The following CYP26C1 variants were observed in gnomAD, a reference collection of about 807,000 sequenced individuals.
The protein encoded by CYP26C1 is cytochrome P450 family 26 subfamily C member 1, also known as cytochrome P450 26C1.
In CYP26C1, 41 loss-of-function variants were observed where a neutral mutation model predicts 39.1. The ratio of observed to expected loss-of-function variants is 1.05; its 90% CI spans 0.82 to 1.36. The LOEUF is 1.36. Among genes scored for constraint, CYP26C1 ranks in the 40% most tolerant of loss-of-function variants. CYP26C1 has a pLI of 0.00. For missense variants in CYP26C1, 833 were observed against 752.0 expected (o/e 1.11, Z -1.26); for synonymous variants, 362 against 350.8 (o/e 1.03, Z -0.36).
chr10:93,064,426 A>G lies in CYP26C1; in HGVS notation c.751A>G (p.Ile251Val). The stretch of plus-strand genomic sequence containing the variant: ...GCTGCATCGGCACCTGGAGGGGGCC[A>G]TTTCTGAGAAGCTTCACGAGGACAA... ...DQLHRHLEGAISEKLHEDKAA... is the reference protein window; with the variant it reads ...DQLHRHLEGAVSEKLHEDKAA... Residue 251 changes from isoleucine (I) to valine (V), a missense_variant, in exon 4 of 6, where the codon ATT (isoleucine) becomes GTT (valine). Transcript: ENST00000651965. 2 of 1,614,108 alleles carry G rather than the reference A, an allele frequency of 1.2e-6. No homozygotes were observed. The highest frequency in any genetic ancestry group is 1.7e-6 in the Non-Finnish European group (2 of 1,180,026).
Position 93,068,661 on chromosome 10 carries a change from C to T in CYP26C1, c.1533C>T (p.Leu511=). 1.3e-6 allele frequency: 2 copies of T among 1,584,322 alleles called. No individual in the cohort carries two copies. Among genetic ancestry groups the T allele is most frequent in the Non-Finnish European group, 1.7e-6 (2 of 1,162,894 alleles). The change falls in exon 6 of 6, where the codon CTC becomes CTT. Residue 511 remains leucine (L), a synonymous_variant. Transcript: ENST00000651965. ...GGCTGCGGCTCTTTTTCCACCCCCT[C>T]ACGCCTTCGGTTGCGGGGAATGGGC... ...VDGLRLFFHP[L]TPSVAGNGLC... is the part of the protein sequence containing the mutation.
At position 93,069,026 on chromosome 10, in the gene CYP26C1, A is replaced by T. The variant is rs1846864892; in HGVS notation, c.*329A>T. 3.7e-6 allele frequency: 1 copy of T among 268,160 alleles called. No individual in the cohort carries two copies. The allele number at this position is 268,160 out of a possible 1,614,324, so 16.6% of individuals were successfully genotyped here. A position where few individuals can be genotyped will look rare whatever the true frequency, so the allele number is the denominator to read the frequency against. On this transcript the variant is annotated 3_prime_UTR_variant, in exon 6 of 6. Coordinates refer to ENST00000651965, the MANE Select transcript of CYP26C1 (RefSeq NM_183374.3). ...CTGCTTGGCTTCCCCTTCCCGAGCC[A>T]ATCCAGGGAGGGTGCATGGATGGGG...
intron 2 of CYP26C1, 52 bp downstream of exon 2, chr10:93,062,286 C>A: frequency 6.8e-7 from 1 of 1,476,092 alleles, no homozygotes; most frequent in South Asian, 1.3e-5. Context: ...CGGTCCCCGG[C>A]ATCTGCCATG....
chr10:93,063,812 C>T (rs1590136200), intron 3 of CYP26C1: 3 of 985,630 alleles, frequency 3.0e-6, no homozygotes, highest in East Asian at 1.1e-4. Context: ...TTAACCTCAT[C>T]TCCTCCGACT....
chr10:93,061,183 C>G lies in CYP26C1; in HGVS notation c.-81C>G, dbSNP rs1311423443. 11 of 1,430,992 alleles carry G rather than the reference C, an allele frequency of 7.7e-6. No homozygotes were observed. The Admixed American group carries it at 8.2e-5, about 11-fold the overall frequency. 88.6% of individuals were successfully genotyped at this position (1,430,992 alleles called of 1,614,324 possible). On this transcript the variant is annotated 5_prime_UTR_variant, in exon 1 of 6. Transcript: ENST00000651965. ...GCCTTTTGCGGACGGAACAGGTGAG[C>G]ACTGCGCACTGCTCGCGCCCCGGTT...
At chr10:93,066,363 C>T (rs1481491035) in intron 5 of CYP26C1, 78 bp downstream of exon 5, 1 of 1,212,712 alleles carries the variant, frequency 8.2e-7, no homozygotes, top group African/African-American at 1.6e-5. Flanking sequence ...CCTGCCGCGG[C>T]GGCGCCCAGG....
intron 5 of CYP26C1, among the ~76,000 whole-genome samples, chr10:93,067,196 A>AG (rs1484695390): frequency 6.6e-6 from 1 of 152,232 alleles, no homozygotes; most frequent in Non-Finnish European, 1.5e-5. Context: ...TTGGAGAGGA[A>AG]GGGGGCCGGG....
Position 93,066,158 on chromosome 10 carries a change from A to G in CYP26C1, c.1064A>G (p.Glu355Gly). The stretch of plus-strand genomic sequence containing the variant: ...GGGCCCCCGCCCGACTGCGGCTGCG[A>G]GCCCGACCTCAGCCTCGCGGCGCTG... Reference protein sequence around the residue: ...SEGPPPDCGCEPDLSLAALGR... With the variant: ...SEGPPPDCGCGPDLSLAALGR... Residue 355 changes from glutamate to glycine, a missense_variant, in exon 5 of 6, where the codon GAG becomes GGG. Coordinates refer to ENST00000651965, the MANE Select transcript of CYP26C1 (RefSeq NM_183374.3). 1 of 1,412,920 alleles carries G rather than the reference A, an allele frequency of 7.1e-7. No individual in the cohort carries two copies. The highest frequency in any genetic ancestry group is 9.2e-7 in the Non-Finnish European group (1 of 1,082,998). 87.5% of individuals were successfully genotyped at this position (1,412,920 alleles called of 1,614,324 possible).
rs751247402 is a variant in CYP26C1 at position 93,068,321 on chromosome 10, G to T, written c.1193G>T (p.Gly398Val). The T allele has an allele frequency of 1.3e-6, 2 of 1,513,860 alleles. No homozygotes were observed. Among genetic ancestry groups the T allele is most frequent in the East Asian group, 2.3e-5 (1 of 43,100 alleles). 93.8% of individuals were successfully genotyped at this position (1,513,860 alleles called of 1,614,324 possible). The change falls in exon 6 of 6, where the codon GGC (glycine) becomes GTC (valine). Residue 398 changes from glycine (G) to valine (V), a missense_variant and splice_region_variant. Transcript: ENST00000651965. The part of the protein sequence containing the change: ...RTALRTFELD[G>V]YQIPKGWSVM... The stretch of plus-strand genomic sequence containing the variant: ...GCTGATCTCCTCGCCTCTCTGCAGG[G>T]CTACCAGATCCCCAAGGGCTGGAGC...
chr10:93,062,221 G>A lies in CYP26C1; in HGVS notation c.416G>A (p.Arg139Gln). The change falls in exon 2 of 6, where the codon CGG (arginine) becomes CAG (glutamine). Residue 139 changes from arginine to glutamine, a missense_variant. Physicochemically the swap from Arg to Gln is conservative, Grantham distance 43 (BLOSUM62 1). Coordinates refer to ENST00000651965, the MANE Select transcript of CYP26C1 (RefSeq NM_183374.3). ...TLLGAVGEPH[R>Q]RRRKVLARVF... ...CTAGGTGCGGTCGGCGAGCCGCACC[G>A]GCGGCGGCGCAAGGTGAGTGGAAAC... 6.6e-7 allele frequency: 1 copy of A among 1,522,756 alleles called. No homozygotes were observed. The highest frequency in any genetic ancestry group is 8.8e-7 in the Non-Finnish European group (1 of 1,138,798). The allele number at this position is 1,522,756 out of a possible 1,614,324, so 94.3% of individuals were successfully genotyped here.
rs1234535239 is a variant in CYP26C1 at position 93,062,963 on chromosome 10, C to A, written c.673C>A (p.Pro225Thr). ...GCTCGTGGAGAACCTCTTCTCACTG[C>A]CTCTGGACGTTCCCTTCAGTGGCCT... Reference protein sequence around the residue: ...EQLVENLFSLPLDVPFSGLRK... With the variant: ...EQLVENLFSLTLDVPFSGLRK... The change falls in exon 3 of 6, where the codon CCT becomes ACT. Residue 225 changes from proline to threonine, a missense_variant. Physicochemically the swap from Pro to Thr is conservative, Grantham distance 38. Coordinates refer to ENST00000651965, the MANE Select transcript of CYP26C1 (RefSeq NM_183374.3). 6.3e-6 allele frequency: 10 copies of A among 1,598,228 alleles called. No individual in the cohort carries two copies. The highest frequency in any genetic ancestry group is 8.5e-6 in the Non-Finnish European group (10 of 1,175,554).
intron 5 of CYP26C1, 71 bp from the exon 6 acceptor site, chr10:93,068,249 G>C: frequency 6.9e-7 from 1 of 1,447,292 alleles, no homozygotes; most frequent in Non-Finnish European, 9.1e-7. Flanking sequence ...GCACCAGGGT[G>C]GAGGGTCAGT....
chr10:93,065,885 G>A (rs1846817868), intron 4 of CYP26C1, 71 bp from the exon 5 acceptor site: 1 of 1,388,800 alleles, frequency 7.2e-7, no homozygotes, highest in Non-Finnish European at 9.4e-7. Flanking sequence ...TCATCTCCAC[G>A]GGGCCGTCGG....
rs1391300434 is a variant in CYP26C1 at position 93,068,800 on chromosome 10, C to T, written c.*103C>T. The T allele has an allele frequency of 7.1e-7, 1 of 1,410,820 alleles. No individual in the cohort carries two copies. Among genetic ancestry groups the T allele is most frequent in the Non-Finnish European group, 9.3e-7 (1 of 1,079,140 alleles). The allele number at this position is 1,410,820 out of a possible 1,614,324, so 87.4% of individuals were successfully genotyped here. A position where few individuals can be genotyped will look rare whatever the true frequency, so the allele number is the denominator to read the frequency against. ...GTAGCGTCGCGCGCCCACTCTTTCA[C>T]TCGTTCAACAATCTTTCAACAAATG... On this transcript the variant is annotated 3_prime_UTR_variant, in exon 6 of 6. Transcript: ENST00000651965.
Position 93,061,457 on chromosome 10 carries a change from G to C in CYP26C1, c.194G>C (p.Trp65Ser). 6.4e-7 allele frequency: 1 copy of C among 1,550,706 alleles called. No individual in the cohort carries two copies. Among genetic ancestry groups the C allele is most frequent in the Non-Finnish European group, 8.7e-7 (1 of 1,147,680 alleles). ...CCCTTCTTCGGCGAAACGCTGCACT[G>C]GTTAGTTCAGGTGAGCAGTCCTTCG... Reference protein sequence around the residue: ...GWPFFGETLHWLVQGSRFHSS... With the variant: ...GWPFFGETLHSLVQGSRFHSS... The change falls in exon 1 of 6, where the codon TGG (tryptophan) becomes TCG (serine). Residue 65 changes from tryptophan to serine, a missense_variant. By Grantham distance (177) the Trp-to-Ser change is radical (BLOSUM62 -3). Transcript: ENST00000651965.
chr10:93,063,619 G>GT, intron 3 of CYP26C1: 1 of 985,508 alleles, frequency 1.0e-6, no homozygotes, highest in Non-Finnish European at 1.2e-6. Context: ...TGATTCCCTG[G>GT]TTTTCAGTCA....
intron 1 of CYP26C1, among the ~76,000 whole-genome samples, 159 bp downstream of exon 1, chr10:93,061,626 CTCCGT>C (rs142915701): frequency 6.6e-6 from 1 of 151,928 alleles, no homozygotes; most frequent in African/African-American, 2.4e-5. Flanking sequence ...TACCTAGATA[CTCCGT>C]TCCCTCGAAG....
intron 3 of CYP26C1, chr10:93,063,507 C>T: frequency 1.0e-6 from 1 of 986,372 alleles, no homozygotes; most frequent in African/African-American, 1.7e-5. Flanking sequence ...GATCAGAGAA[C>T]TGCTGCTTCT....
At position 93,066,231 on chromosome 10, in the gene CYP26C1, C is replaced by T. The variant is rs773356370; in HGVS notation, c.1137C>T (p.Leu379=). Residue 379 remains leucine (L), a synonymous_variant, in exon 5 of 6, where the codon CTC becomes CTT. Coordinates refer to ENST00000651965, the MANE Select transcript of CYP26C1 (RefSeq NM_183374.3). ...GCGTGGTCAAGGAGGTGCTGCGCCT[C>T]CTGCCGCCAGTGTCCGGGGGCTACC... ...VDCVVKEVLR[L]LPPVSGGYRT... 20 of 1,473,896 alleles carry T rather than the reference C, an allele frequency of 1.4e-5. No homozygotes were observed. The highest frequency in any genetic ancestry group is 2.9e-5 in the African/African-American group (2 of 69,146). 91.3% of individuals were successfully genotyped at this position (1,473,896 alleles called of 1,614,324 possible). A position where few individuals can be genotyped will look rare whatever the true frequency, so the allele number is the denominator to read the frequency against.
Sources: gnomAD v4.1 joint callset for allele counts (sites outside exome capture counted in the v4.1 genomes callset) on GRCh38, gnomAD v4.1.1 for gene constraint, MANE v1.5 for transcripts, NCBI Gene and HGNC (gene_info 2026-07-23, HGNC 2026-07-21) for gene names.